The following ANKRD46 variants were observed in gnomAD, a reference collection of about 807,000 sequenced individuals.
ANKRD46 encodes ankyrin repeat domain-containing protein 46.
Under a neutral mutation model 19.8 loss-of-function variants are expected in ANKRD46, and 13 were observed. The ratio of observed to expected loss-of-function variants is 0.66; its 90% confidence interval spans 0.43 to 1.04. The LOEUF (loss-of-function observed/expected upper bound fraction) is 1.04. Ranked by LOEUF, ANKRD46 falls within the 50% of genes least tolerant of loss-of-function variation. The probability of loss-of-function intolerance (pLI) is 0.00; values close to 1 mark genes in which losing one functional copy is unlikely to be tolerated. For missense variants in ANKRD46, 185 were observed against 274.8 expected (o/e 0.67, Z 2.31); for synonymous variants, 91 against 106.9 (o/e 0.85, Z 0.92).
In ANKRD46 at chr8:100,510,597, T is replaced by C; in HGVS notation, c.679A>G (p.Ser227Gly). The C allele has an allele frequency of 2.0e-6, 3 of 1,535,858 alleles. No individual in the cohort carries two copies. Among genetic ancestry groups the C allele is most frequent in the Non-Finnish European group, 2.6e-6 (3 of 1,146,756 alleles). Reference sequence around the variant, plus strand: ...AGAGATTAGATGGCCTGGATTCGGCTTCTGTCTTGCCTTGCAAAGCTTCCA... The same window carrying C: ...AGAGATTAGATGGCCTGGATTCGGCCTCTGTCTTGCCTTGCAAAGCTTCCA... The change falls in exon 6 of 6, where the codon AGC becomes GGC. Residue 227 changes from serine to glycine, a missense_variant. Coordinates refer to the ANKRD46 transcript ENST00000520552. This position sits in a 1 kb window ranked among gnomAD's most constrained non-coding sequence, Gnocchi z 4.9.
At chr8:100,554,200 C>G (rs1340071271) in intron 1 of ANKRD46, among the ~76,000 whole-genome samples, 1 of 152,116 alleles carries the variant, frequency 6.6e-6, no homozygotes, top group African/African-American at 2.4e-5. Flanking sequence ...AATTGTTTCT[C>G]TAATAATGTA....
chr8:100,552,132 AGAGTGAG>A (rs1812404845), intron 1 of ANKRD46, among the ~76,000 whole-genome samples: 1 of 149,360 alleles, frequency 6.7e-6, no homozygotes, highest in African/African-American at 2.5e-5. Flanking sequence ...CCTGGGTGAC[AGAGTGAG>A]ACTCTGTCTT....
intron 1 of ANKRD46, among the ~76,000 whole-genome samples, chr8:100,548,437 C>T (rs770880970): frequency 6.6e-6 from 1 of 152,180 alleles, no homozygotes. Flanking sequence ...CTTCTCCCCA[C>T]ATTACTTTTC....
rs1811725411 is a variant in ANKRD46, at chr8:100,521,604, T to A, written c.*951A>T. The stretch of plus-strand genomic sequence containing the variant: ...AGAATTACAGATATGGATGGGATTG[T>A]TAAAAGTCTAACAGGGCCTCCAAAT... On this transcript the variant is annotated 3_prime_UTR_variant, in exon 5 of 5. Transcript: ENST00000335659. The A allele has an allele frequency of 3.0e-6, 3 of 985,450 alleles. No individual in the cohort carries two copies. The highest frequency in any genetic ancestry group is 3.6e-6 in the Non-Finnish European group (3 of 829,916). The allele number at this position is 985,450 out of a possible 1,614,324, so 61.0% of individuals were successfully genotyped here.
chr8:100,540,529 CTCA>C (rs1395933299), intron 1 of ANKRD46, among the ~76,000 whole-genome samples: 1 of 152,164 alleles, frequency 6.6e-6, no homozygotes, highest in Non-Finnish European at 1.5e-5. Flanking sequence ...AATTCTTAGA[CTCA>C]TCATTCTCAA....
chr8:100,526,457 T>C (rs568582659), intron 4 of ANKRD46, among the ~76,000 whole-genome samples: 4 of 152,312 alleles, frequency 2.6e-5, no homozygotes, highest in Non-Finnish European at 4.4e-5. Context: ...CTTTAACAAA[T>C]AATAGTTAAC....
At chr8:100,558,027 C>G (rs1812534701) in intron 1 of ANKRD46, among the ~76,000 whole-genome samples, 1 of 152,218 alleles carries the variant, frequency 6.6e-6, no homozygotes, top group Admixed American at 6.5e-5. Context: ...ATTTTGTTCA[C>G]TCTCACATCC....
rs149183795 is a variant in ANKRD46, at chr8:100,555,362, T to C, written c.-131+4349A>G. ...ATCTACATGAAGAAAAGCACACCACTGAGAATTACTTACAATAAGAAAATG... is the reference window on the plus strand; with the variant it reads ...ATCTACATGAAGAAAAGCACACCACCGAGAATTACTTACAATAAGAAAATG... On this transcript the variant is annotated intron_variant, in intron 1 of 4. Coordinates refer to ENST00000335659, the MANE Select transcript of ANKRD46 (RefSeq NM_001270377.2). 2.3e-3 allele frequency among the ~76,000 whole-genome samples: 336 copies of C among 148,722 alleles called. 1 individual carries two copies. The highest frequency in any genetic ancestry group is 8.0e-3 in the African/African-American group (323 of 40,358).
intron 4 of ANKRD46, 69 bp from the exon 5 acceptor site, chr8:100,522,840 G>T: frequency 8.1e-7 from 1 of 1,240,480 alleles, no homozygotes; most frequent in Non-Finnish European, 1.1e-6. Flanking sequence ...AAAACCACAG[G>T]GCTACTATTT....
In ANKRD46 at chr8:100,522,706, A is replaced by G; in HGVS notation, c.536T>C (p.Phe179Ser). Residue 179 changes from phenylalanine to serine, a missense_variant, in exon 5 of 5, where the codon TTC becomes TCC. By Grantham distance (155) the Phe-to-Ser change is radical. Transcript: ENST00000335659. The stretch of plus-strand genomic sequence containing the variant: ...CACAAACTCCTGCCACGTGGTTCGG[A>G]AGCTGGAGAGGACTCCTTCACCTTG... Reference protein sequence around the residue: ...LQQGEGVLSSFRTTWQEFVED... With the variant: ...LQQGEGVLSSSRTTWQEFVED... The G allele has an allele frequency of 6.2e-7, 1 of 1,614,110 alleles. No homozygotes were observed. Among genetic ancestry groups the G allele is most frequent in the Non-Finnish European group, 8.5e-7 (1 of 1,180,036 alleles).
chr8:100,545,224 C>T lies in ANKRD46; in HGVS notation c.-130-11913G>A, dbSNP rs1812249109. 6.6e-6 allele frequency among the ~76,000 whole-genome samples: 1 copy of T among 152,068 alleles called. No individual in the cohort carries two copies. The highest frequency in any genetic ancestry group is 2.1e-4 in the South Asian group (1 of 4,818). ...CCTGTAGTCCCAGCTACTCGGGAGG[C>T]TGAGGTGGGAGGATAGTGATTTAAT... On this transcript the variant is annotated intron_variant, in intron 1 of 4. Coordinates refer to ENST00000335659, the MANE Select transcript of ANKRD46 (RefSeq NM_001270377.2). This position sits in a 1 kb window ranked among gnomAD's most constrained non-coding sequence, Gnocchi z 4.7.
At chr8:100,556,019 A>G (rs952233775) in intron 1 of ANKRD46, among the ~76,000 whole-genome samples, 6 of 152,324 alleles carry the variant, frequency 3.9e-5, no homozygotes, top group South Asian at 2.1e-4. Context: ...ACCTGAACTC[A>G]TGCCTTAAGA....
At chr8:100,547,471 G>A (rs987976508) in intron 1 of ANKRD46, among the ~76,000 whole-genome samples, 1 of 152,188 alleles carries the variant, frequency 6.6e-6, no homozygotes, top group African/African-American at 2.4e-5. Flanking sequence ...GAGGAACTGT[G>A]AGTCAACTGA....
chr8:100,529,742 A>G lies in ANKRD46; in HGVS notation c.92T>C (p.Leu31Pro). The change falls in exon 3 of 5, where the codon CTT becomes CCT. Residue 31 changes from leucine to proline, a missense_variant. Coordinates refer to ENST00000335659, the MANE Select transcript of ANKRD46 (RefSeq NM_001270377.2). This position sits in a 1 kb window ranked among gnomAD's most constrained non-coding sequence, Gnocchi z 5.8. The stretch of plus-strand genomic sequence containing the variant: ...ATTTGGGTCAAAGCCACTTTCCAAA[A>G]GCCGCTTGGAATAATTAAAGTCCCC... The part of the protein sequence containing the change: ...IDGDFNYSKR[L>P]LESGFDPNIR... 6.2e-7 allele frequency: 1 copy of G among 1,614,268 alleles called. No individual in the cohort carries two copies. The highest frequency in any genetic ancestry group is 8.5e-7 in the Non-Finnish European group (1 of 1,180,054).
intron 3 of ANKRD46, among the ~76,000 whole-genome samples, chr8:100,528,264 C>T (rs1811883102): frequency 6.6e-6 from 1 of 152,162 alleles, no homozygotes; most frequent in Admixed American, 6.5e-5. Flanking sequence ...TCACAGAGGC[C>T]GTTATCCTGT....
At position 100,545,006 on chromosome 8, in the gene ANKRD46, A is replaced by G. The variant is rs1464213750; in HGVS notation, c.-130-11695T>C. ...AACAGTCCCAAATGGATATTTTGCC[A>G]TGGCCTTAATATCATATCTAAAACC... On this transcript the variant is annotated intron_variant, in intron 1 of 4. Transcript: ENST00000335659. This position sits in a 1 kb window ranked among gnomAD's most constrained non-coding sequence, Gnocchi z 4.7. Among the ~76,000 whole-genome samples, 1 of 152,156 alleles carries G rather than the reference A, an allele frequency of 6.6e-6. No homozygotes were observed. The highest frequency in any genetic ancestry group is 1.5e-5 in the Non-Finnish European group (1 of 68,034).
At position 100,527,809 on chromosome 8, in the gene ANKRD46, A is replaced by C; in HGVS notation, c.470+36T>G. On this transcript the variant is annotated intron_variant, in intron 4 of 4. Coordinates refer to ENST00000335659, the MANE Select transcript of ANKRD46 (RefSeq NM_001270377.2). The surrounding 1 kb of genome is among the most constrained non-coding windows in gnomAD (Gnocchi z 4.0). The stretch of plus-strand genomic sequence containing the variant: ...GAGCCCAGGAGTTCAAGGAATGAGT[A>C]ATACAGTGAGAAAAAAAAAGTTGTA... 3 of 1,600,154 alleles carry C rather than the reference A, an allele frequency of 1.9e-6. No individual in the cohort carries two copies.
chr8:100,551,870 C>G (rs2130705592), intron 1 of ANKRD46, among the ~76,000 whole-genome samples: 1 of 152,246 alleles, frequency 6.6e-6, no homozygotes, highest in South Asian at 2.1e-4. Context: ...ACATTTTGGG[C>G]TGGGTGCTGT....
chr8:100,519,480 G>A (rs1811686734), downstream of ANKRD46, among the ~76,000 whole-genome samples: 1 of 152,096 alleles, frequency 6.6e-6, no homozygotes, highest in Admixed American at 6.6e-5. Flanking sequence ...TATGTAAACG[G>A]GCTTTATGTA....
Sources: allele counts gnomAD v4.1 joint callset (sites outside exome capture counted in the v4.1 genomes callset), GRCh38; gene constraint gnomAD v4.1.1; non-coding constraint Gnocchi (gnomAD v3.1); transcripts MANE v1.5; gene names NCBI Gene and HGNC (gene_info 2026-07-23, HGNC 2026-07-21).